The following NPAS3 variants were observed in gnomAD, a reference collection of about 807,000 sequenced individuals.
NPAS3 encodes neuronal PAS domain-containing protein 3.
In NPAS3, 14 loss-of-function variants were observed where a neutral mutation model predicts 73.1. The observed-to-expected ratio is 0.19, with a 90% CI of 0.13 to 0.30. NPAS3 has a LOEUF of 0.30. Among genes scored for constraint, NPAS3 ranks in the 10% least tolerant of loss-of-function variants. NPAS3 has a pLI of 1.00. For missense variants in NPAS3, 1,096 were observed against 1,250.0 expected (o/e 0.88, Z 1.86); for synonymous variants, 620 against 541.5 (o/e 1.14, Z -2.01).
At chr14:33,633,459 T>C (rs1168366001) in intron 5 of NPAS3, among the ~76,000 whole-genome samples, 1 of 152,170 alleles carries the variant, frequency 6.6e-6, no homozygotes, top group Non-Finnish European at 1.5e-5. Context: ...TCTGTCATTA[T>C]GGGAACATCA....
intron 6 of NPAS3, among the ~76,000 whole-genome samples, chr14:33,726,542 C>T (rs1323008666): frequency 6.6e-6 from 1 of 152,138 alleles, no homozygotes; most frequent in Non-Finnish European, 1.5e-5. Context: ...GAGACGCCAC[C>T]ATGTCAGAGA....
At chr14:33,454,347 C>G (rs1177420591) in intron 4 of NPAS3, among the ~76,000 whole-genome samples, 3 of 152,152 alleles carry the variant, frequency 2.0e-5, no homozygotes, top group African/African-American at 7.2e-5. Flanking sequence ...TTTTACCAAT[C>G]AGGAAGTAAT....
chr14:33,329,386 C>G (rs2043874928), intron 3 of NPAS3, among the ~76,000 whole-genome samples: 1 of 152,080 alleles, frequency 6.6e-6, no homozygotes, highest in African/African-American at 2.4e-5. Context: ...TGGAGGTAAC[C>G]TACTAGGGAC....
intron 2 of NPAS3, among the ~76,000 whole-genome samples, chr14:33,138,806 T>A (rs2043935966): frequency 6.6e-6 from 1 of 152,126 alleles, no homozygotes; most frequent in African/African-American, 2.4e-5. Flanking sequence ...CTTCTTTGAG[T>A]GATAGGGTTA....
chr14:33,373,903 A>G (rs2046205490), intron 4 of NPAS3, among the ~76,000 whole-genome samples: 1 of 152,276 alleles, frequency 6.6e-6, no homozygotes, highest in Admixed American at 6.5e-5. Flanking sequence ...TGGATCAGAA[A>G]AGGCTAGGTA....
chr14:33,511,658 C>T (rs1049120322), intron 4 of NPAS3, among the ~76,000 whole-genome samples: 2 of 151,998 alleles, frequency 1.3e-5, no homozygotes, highest in East Asian at 3.9e-4. Flanking sequence ...GAATCCTGCT[C>T]ACTGGTAGGC....
At chr14:33,433,555 C>A (rs1399587284) in intron 4 of NPAS3, among the ~76,000 whole-genome samples, 2 of 152,234 alleles carry the variant, frequency 1.3e-5, no homozygotes, top group African/African-American at 4.8e-5. Flanking sequence ...GGAATGTTCT[C>A]CATACATTTG....
intron 4 of NPAS3, among the ~76,000 whole-genome samples, chr14:33,515,923 C>T (rs1170511915): frequency 2.0e-5 from 3 of 152,090 alleles, no homozygotes; most frequent in Non-Finnish European, 4.4e-5. Flanking sequence ...TAGTAACCGA[C>T]ATGGATGCAT....
chr14:33,244,139 A>T (rs942005872), intron 3 of NPAS3, among the ~76,000 whole-genome samples: 8 of 120,982 alleles, frequency 6.6e-5, no homozygotes, highest in African/African-American at 9.6e-5. Flanking sequence ...TACATTTGTT[A>T]AAAAAAAAAA....
At chr14:33,164,537 C>CT (rs980293638) in intron 2 of NPAS3, among the ~76,000 whole-genome samples, 1 of 151,716 alleles carries the variant, frequency 6.6e-6, no homozygotes. Context: ...AAATGAACAA[C>CT]TTAAAAAAAA....
chr14:33,006,416 C>T (rs1410877904), intron 1 of NPAS3, among the ~76,000 whole-genome samples: 1 of 152,112 alleles, frequency 6.6e-6, no homozygotes, highest in Non-Finnish European at 1.5e-5. Context: ...ATTTATTTTT[C>T]CACCCCTCTT....
intron 6 of NPAS3, among the ~76,000 whole-genome samples, chr14:33,688,947 A>C (rs182116105): frequency 1.9e-4 from 29 of 152,328 alleles, no homozygotes; most frequent in Non-Finnish European, 3.7e-4. Flanking sequence ...GTTAAATTGC[A>C]CTGCCTATAT....
chr14:33,361,197 A>C (rs2045584359), intron 3 of NPAS3, among the ~76,000 whole-genome samples: 1 of 152,232 alleles, frequency 6.6e-6, no homozygotes, highest in Non-Finnish European at 1.5e-5. Context: ...GTGAATCTTT[A>C]AAATGGAAAC....
At chr14:33,789,664 C>T (rs2138604787) in intron 9 of NPAS3, among the ~76,000 whole-genome samples, 2 of 139,148 alleles carry the variant, frequency 1.4e-5, no homozygotes, top group African/African-American at 5.5e-5. Flanking sequence ...TCTCGGCTCA[C>T]TGCAAGCTCC....
chr14:33,463,769 T>C (rs2050380557), intron 4 of NPAS3, among the ~76,000 whole-genome samples: 1 of 152,228 alleles, frequency 6.6e-6, no homozygotes, highest in Admixed American at 6.5e-5. Context: ...CACAGTGGAA[T>C]AATTGATATT....
intron 1 of NPAS3, among the ~76,000 whole-genome samples, chr14:32,955,052 G>A (rs1203689963): frequency 6.6e-6 from 1 of 151,998 alleles, no homozygotes; most frequent in Non-Finnish European, 1.5e-5. Context: ...CTTTTGCATG[G>A]AGTCACACTT....
At chr14:32,951,759 AT>A (rs1435190473) in intron 1 of NPAS3, among the ~76,000 whole-genome samples, 1 of 152,086 alleles carries the variant, frequency 6.6e-6, no homozygotes, top group Non-Finnish European at 1.5e-5. Context: ...TTCCTAAAAC[AT>A]TTATAGAGGA....
chr14:33,070,913 T>C (rs1312996132), intron 2 of NPAS3, among the ~76,000 whole-genome samples: 1 of 152,226 alleles, frequency 6.6e-6, no homozygotes, highest in Non-Finnish European at 1.5e-5. Flanking sequence ...CACTGGGTGC[T>C]TTTACCTTTT....
intron 4 of NPAS3, among the ~76,000 whole-genome samples, chr14:33,536,004 G>T (rs145539087): frequency 4.0e-4 from 61 of 152,216 alleles, no homozygotes; most frequent in Admixed American, 2.1e-3. Flanking sequence ...GAGTAAAACC[G>T]CTGGAGAGAG....
Sources: gnomAD v4.1 joint callset for allele counts (sites outside exome capture counted in the v4.1 genomes callset) on GRCh38, gnomAD v4.1.1 for gene constraint, MANE v1.5 for transcripts, NCBI Gene and HGNC (gene_info 2026-07-23, HGNC 2026-07-21) for gene names.